The following SLIT3 variants were observed in gnomAD, a reference collection of about 807,000 sequenced individuals.
SLIT3 encodes the protein slit guidance ligand 3.
A neutral mutation model predicts 184.0 loss-of-function variants in SLIT3; 68 were observed. The ratio of observed to expected loss-of-function variants is 0.37; its 90% CI spans 0.30 to 0.45. SLIT3 has a LOEUF of 0.45. Ranked by LOEUF, SLIT3 falls within the 20% of genes least tolerant of loss-of-function variation. The pLI is 1.00. For missense variants in SLIT3, 1,707 were observed against 2,026.0 expected (o/e 0.84, Z 3.02); for synonymous variants, 831 against 828.6 (o/e 1.00, Z -0.05).
At chr5:168,668,219 A>G (rs1761117674) in intron 35 of SLIT3, among the ~76,000 whole-genome samples, 1 of 152,146 alleles carries the variant, frequency 6.6e-6, no homozygotes, top group South Asian at 2.1e-4. Flanking sequence ...GCTTCTGCTG[A>G]CCCAGTAAGG....
intron 6 of SLIT3, among the ~76,000 whole-genome samples, chr5:168,842,980 T>A (rs1480700227): frequency 6.6e-6 from 1 of 152,220 alleles, no homozygotes; most frequent in Non-Finnish European, 1.5e-5. Context: ...AGCCTCCTGA[T>A]AAGAGGAGTC....
chr5:168,718,372 G>A (rs1481772716), intron 23 of SLIT3, among the ~76,000 whole-genome samples: 1 of 152,032 alleles, frequency 6.6e-6, no homozygotes, highest in East Asian at 1.9e-4. Flanking sequence ...AATCCCACTG[G>A]CTCCTTCGTG....
At chr5:169,067,405 CA>C (rs1041255024) in intron 4 of SLIT3, among the ~76,000 whole-genome samples, 5 of 149,730 alleles carry the variant, frequency 3.3e-5, no homozygotes, top group Non-Finnish European at 4.4e-5. Flanking sequence ...GACTCCACCT[CA>C]AAAAAAAATA....
Position 168,744,007 on chromosome 5 carries a change from C to T in SLIT3, c.2270+4295G>A, listed in dbSNP as rs74623544. Among the ~76,000 whole-genome samples the T allele has an allele frequency of 7.5e-3, 1,148 of 152,198 alleles. 14 individuals carry two copies. Among genetic ancestry groups the T allele is most frequent in the African/African-American group, 0.026 (1,086 of 41,534 alleles). ...GTTCATGAGGTTTAAGAAAAGAAGC[C>T]GGCTGGGCGCAGCGGCTCACACATG... On this transcript the variant is annotated intron_variant, in intron 20 of 35. Transcript: ENST00000519560.
At chr5:168,864,395 T>C (rs60131218) in intron 5 of SLIT3, among the ~76,000 whole-genome samples, 11,034 of 152,244 alleles carry the variant, frequency 0.072, 923 homozygotes, top group African/African-American at 0.21. Flanking sequence ...ATTCATTTGC[T>C]TTGGGTCCTA....
At chr5:169,002,268 G>A (rs114118955) in intron 4 of SLIT3, among the ~76,000 whole-genome samples, 2,463 of 129,680 alleles carry the variant, frequency 0.019, 80 homozygotes, top group African/African-American at 0.066. Flanking sequence ...GTTGCAGTGA[G>A]CCAGGATGCA....
intron 4 of SLIT3, among the ~76,000 whole-genome samples, chr5:169,093,309 G>T (rs943145008): frequency 1.3e-5 from 2 of 152,200 alleles, no homozygotes; most frequent in Non-Finnish European, 2.9e-5. Flanking sequence ...GTAGGTTAAA[G>T]AAAACCCTCT....
rs147293290 is a variant in SLIT3 at position 169,257,877 on chromosome 5, C to G, written c.198-6418G>C. On this transcript the variant is annotated intron_variant, in intron 1 of 35. Transcript: ENST00000519560. Reference sequence around the variant, plus strand: ...GCCTTCCATGCTTTCTTCTTCTTCTCTTTGCAACAGTTCTGAAAGGTAGGT... The same window carrying G: ...GCCTTCCATGCTTTCTTCTTCTTCTGTTTGCAACAGTTCTGAAAGGTAGGT... Among the ~76,000 whole-genome samples the G allele has an allele frequency of 3.0e-3, 451 of 151,560 alleles. 7 individuals carry two copies. Among genetic ancestry groups the G allele is most frequent in the African/African-American group, 0.01 (426 of 40,984 alleles).
chr5:169,090,981 G>T (rs930903500), intron 4 of SLIT3, among the ~76,000 whole-genome samples: 1 of 152,166 alleles, frequency 6.6e-6, no homozygotes, highest in Non-Finnish European at 1.5e-5. Flanking sequence ...TCTGTCCCGT[G>T]CCCATTGTCC....
chr5:168,774,220 A>T lies in SLIT3; in HGVS notation c.1295+15T>A. 6.3e-7 allele frequency: 1 copy of T among 1,584,446 alleles called. No homozygotes were observed. Among genetic ancestry groups the T allele is most frequent in the Non-Finnish European group, 8.6e-7 (1 of 1,165,776 alleles). Reference sequence around the variant, plus strand: ...CTGCTTGGGCACCCACTGGCACCCGAGGCAGTGTACTCACAGTGTCTGGAT... The same window carrying T: ...CTGCTTGGGCACCCACTGGCACCCGTGGCAGTGTACTCACAGTGTCTGGAT... On this transcript the variant is annotated intron_variant, in intron 13 of 35. Coordinates refer to ENST00000519560, the MANE Select transcript of SLIT3 (RefSeq NM_003062.4).
chr5:169,289,869 G>A (rs905960490), intron 1 of SLIT3, among the ~76,000 whole-genome samples: 1 of 152,174 alleles, frequency 6.6e-6, no homozygotes, highest in African/African-American at 2.4e-5. Flanking sequence ...ACATACCTGA[G>A]TTAGGGCATT....
At chr5:168,784,787 G>T (rs2113572454) in intron 12 of SLIT3, among the ~76,000 whole-genome samples, 1 of 152,146 alleles carries the variant, frequency 6.6e-6, no homozygotes, top group Admixed American at 6.5e-5. Flanking sequence ...CCATGCTGTG[G>T]GTCCTCTGAA....
At position 168,816,336 on chromosome 5, in the gene SLIT3, G is replaced by A. The variant is rs369308197; in HGVS notation, c.793+964C>T. ...TGAGTAGCAGGGATTACAGGTGCCC[G>A]CCACCACGTCCAGCTAATTTTTGTA... On this transcript the variant is annotated intron_variant, in intron 8 of 35. Transcript: ENST00000519560. Among the ~76,000 whole-genome samples the A allele has an allele frequency of 7.2e-5, 11 of 152,224 alleles. No individual in the cohort carries two copies. The East Asian group carries it at 1.2e-3, about 16-fold the overall frequency.
chr5:169,104,167 C>T (rs1026122698), intron 4 of SLIT3, among the ~76,000 whole-genome samples: 6 of 152,292 alleles, frequency 3.9e-5, no homozygotes, highest in African/African-American at 1.4e-4. Context: ...TTTGGAAATA[C>T]CCCCATATTT....
At chr5:168,968,435 C>G (rs913995959) in intron 4 of SLIT3, among the ~76,000 whole-genome samples, 46 of 152,226 alleles carry the variant, frequency 3.0e-4, no homozygotes, top group African/African-American at 1.1e-3. Context: ...AGACACCACT[C>G]TTCACTGCCA....
chr5:168,810,593 G>A (rs897381407), intron 8 of SLIT3, among the ~76,000 whole-genome samples: 10 of 152,206 alleles, frequency 6.6e-5, no homozygotes, highest in Non-Finnish European at 1.0e-4. Context: ...GGCTCAATAC[G>A]CGTCTCCCCT....
At position 168,665,158 on chromosome 5, in the gene SLIT3, C is replaced by T. The variant is rs1482579731; in HGVS notation, c.*1296G>A. On this transcript the variant is annotated 3_prime_UTR_variant, in exon 36 of 36. Transcript: ENST00000519560. ...TGTGGCTTAAGGCAAGTTCCAGAGC[C>T]TGTGAGGGCCTAAACTTCCTTCTTA... The T allele has an allele frequency of 6.6e-6, 1 of 152,184 alleles. No homozygotes were observed. The highest frequency in any genetic ancestry group is 1.5e-5 in the Non-Finnish European group (1 of 68,056). The allele number at this position is 152,184 out of a possible 1,614,324, so 9.4% of individuals were successfully genotyped here. A position where few individuals can be genotyped will look rare whatever the true frequency, so the allele number is the denominator to read the frequency against.
chr5:168,730,992 A>C (rs1763273396), intron 20 of SLIT3, among the ~76,000 whole-genome samples: 1 of 152,112 alleles, frequency 6.6e-6, no homozygotes, highest in Admixed American at 6.5e-5. Flanking sequence ...TAACAAAAGA[A>C]AAAGTTGGTT....
chr5:169,056,591 T>C (rs1026700476), intron 4 of SLIT3, among the ~76,000 whole-genome samples: 4 of 148,846 alleles, frequency 2.7e-5, no homozygotes, highest in Non-Finnish European at 4.5e-5. Context: ...TAGCTGGCGA[T>C]CTCTTAAAAA....
Sources: allele counts gnomAD v4.1 joint callset (sites outside exome capture counted in the v4.1 genomes callset), GRCh38; gene constraint gnomAD v4.1.1; transcripts MANE v1.5; gene names NCBI Gene and HGNC (gene_info 2026-07-23, HGNC 2026-07-21).